The following REG4 variants were observed in gnomAD, a reference collection of about 807,000 sequenced individuals.
REG4 encodes regenerating islet-derived protein 4.
In REG4, 16 loss-of-function variants were observed where a neutral mutation model predicts 22.3. That is an observed-to-expected ratio of 0.72 (90% CI 0.49 to 1.09). The LOEUF is 1.09. Ranked by LOEUF, REG4 falls within the 50% of genes least tolerant of loss-of-function variation. The pLI, the probability that REG4 is intolerant of heterozygous loss-of-function variation, is 0.00. For missense variants in REG4, 214 were observed against 193.9 expected (o/e 1.10, Z -0.61); for synonymous variants, 71 against 69.2 (o/e 1.03, Z -0.13).
intron 4 of REG4, 106 bp from the exon 5 acceptor site, chr1:119,798,708 G>T: frequency 2.6e-6 from 2 of 754,806 alleles, no homozygotes; most frequent in East Asian, 5.0e-5. Context: ...TGCAAACATT[G>T]GGAAAGTACA....
intron 3 of REG4, 77 bp from the exon 4 acceptor site, chr1:119,799,939 CAAG>C (rs1654048411): frequency 1.9e-6 from 3 of 1,559,694 alleles, no homozygotes; most frequent in East Asian, 2.3e-5. Flanking sequence ...GCTAGCGTGC[CAAG>C]AAGGAGGGAC....
chr1:119,810,762 G>A (rs1263858104), intron 1 of REG4, among the ~76,000 whole-genome samples: 1 of 152,178 alleles, frequency 6.6e-6, no homozygotes, highest in Non-Finnish European at 1.5e-5. Context: ...TCATAAGTAA[G>A]CTGCACTGGG....
chr1:119,808,818 T>C lies in REG4; in HGVS notation c.-49A>G. 3 of 1,382,796 alleles carry C rather than the reference T, an allele frequency of 2.2e-6. No individual in the cohort carries two copies. Among genetic ancestry groups the C allele is most frequent in the Non-Finnish European group, 3.1e-6 (3 of 975,212 alleles). 85.7% of individuals were successfully genotyped at this position (1,382,796 alleles called of 1,614,324 possible). On this transcript the variant is annotated 5_prime_UTR_variant, in exon 2 of 6. Coordinates refer to ENST00000256585, the MANE Select transcript of REG4 (RefSeq NM_032044.4). ...GCTAGTGCAAGGATCTCAGAGACCT[T>C]ACTAGCGCTTCTTTGAAACTCCTGG... is the stretch of plus-strand genomic sequence containing the variant.
chr1:119,807,835 G>T (rs140527518), intron 2 of REG4, among the ~76,000 whole-genome samples: 77 of 152,256 alleles, frequency 5.1e-4, no homozygotes, highest in African/African-American at 1.8e-3. Context: ...CTTCCAAACC[G>T]TCCTACCCTT....
chr1:119,804,293 C>T lies in REG4; in HGVS notation c.68-1128G>A, dbSNP rs185720177. On this transcript the variant is annotated intron_variant, in intron 2 of 5. Transcript: ENST00000256585. Reference sequence around the variant, plus strand: ...TCTTCTGTTTTATTTCAGCCCCTGCCTATGCATCTCCCAGGGCTCCCCATT... The same window carrying T: ...TCTTCTGTTTTATTTCAGCCCCTGCTTATGCATCTCCCAGGGCTCCCCATT... Among the ~76,000 whole-genome samples, 325 of 152,332 alleles carry T rather than the reference C, an allele frequency of 2.1e-3. 1 individual carries two copies. The highest frequency in any genetic ancestry group is 7.7e-3 in the African/African-American group (319 of 41,554).
intron 5 of REG4, among the ~76,000 whole-genome samples, chr1:119,797,402 C>T (rs985780880): frequency 6.6e-6 from 1 of 152,178 alleles, no homozygotes; most frequent in Non-Finnish European, 1.5e-5. Context: ...CCCTTTGCCT[C>T]ATGCTGTTAG....
At chr1:119,799,320 TA>T (rs150349494) in intron 4 of REG4, among the ~76,000 whole-genome samples, 1,849 of 150,022 alleles carry the variant, frequency 0.012, 37 homozygotes, top group African/African-American at 0.043. Context: ...TTACAGCATC[TA>T]AAAAAAAAGG....
At chr1:119,805,694 G>A (rs1296929573) in intron 2 of REG4, among the ~76,000 whole-genome samples, 1 of 151,854 alleles carries the variant, frequency 6.6e-6, no homozygotes, top group South Asian at 2.1e-4. Flanking sequence ...GACTTTCTAT[G>A]TATCTCTCCG....
chr1:119,807,631 C>T (rs1654363664), intron 2 of REG4, among the ~76,000 whole-genome samples: 1 of 152,204 alleles, frequency 6.6e-6, no homozygotes. Context: ...GAGCCTTGCA[C>T]TCTCTTGCAT....
chr1:119,799,780 A>T lies in REG4; in HGVS notation c.248T>A (p.Ile83Lys). The T allele has an allele frequency of 6.2e-7, 1 of 1,614,096 alleles. No homozygotes were observed. Among genetic ancestry groups the T allele is most frequent in the Non-Finnish European group, 8.5e-7 (1 of 1,180,022 alleles). Reference sequence around the variant, plus strand: ...CGGCTGGCTTCTCTGATAGCCACTTATGTACTCTGCTATGGTGCTGGCTTC... The same window carrying T: ...CGGCTGGCTTCTCTGATAGCCACTTTTGTACTCTGCTATGGTGCTGGCTTC... The part of the protein sequence containing the change: ...LKEASTIAEY[I>K]SGYQRSQPIW... Residue 83 changes from isoleucine (I) to lysine (K), a missense_variant, in exon 4 of 6, where the codon ATA becomes AAA. Transcript: ENST00000256585.
At position 119,808,867 on chromosome 1, in the gene REG4, A is replaced by T; in HGVS notation, c.-94-4T>A. On this transcript the variant is annotated splice_region_variant and splice_polypyrimidine_tract_variant and intron_variant, in intron 1 of 5. Coordinates refer to ENST00000256585, the MANE Select transcript of REG4 (RefSeq NM_032044.4). Reference sequence around the variant, plus strand: ...GGGTTCTCCTTGATCTGCAAATCTGAACACATTTGCACAGGTGAGAAGGAC... The same window carrying T: ...GGGTTCTCCTTGATCTGCAAATCTGTACACATTTGCACAGGTGAGAAGGAC... 3 of 804,778 alleles carry T rather than the reference A, an allele frequency of 3.7e-6. No homozygotes were observed. The highest frequency in any genetic ancestry group is 2.1e-6 in the Non-Finnish European group (1 of 481,272). 49.9% of individuals were successfully genotyped at this position (804,778 alleles called of 1,614,324 possible).
intron 3 of REG4, chr1:119,802,210 G>A: frequency 2.2e-6 from 1 of 451,154 alleles, no homozygotes; most frequent in Non-Finnish European, 2.9e-6. Flanking sequence ...TGCTGTGTCA[G>A]TTACTCTCAG....
At chr1:119,804,379 C>T (rs1018790992) in intron 2 of REG4, among the ~76,000 whole-genome samples, 1 of 152,144 alleles carries the variant, frequency 6.6e-6, no homozygotes, top group Non-Finnish European at 1.5e-5. Context: ...TGGTTGTATG[C>T]CCCTATCCAG....
At chr1:119,802,672 C>T in intron 3 of REG4, 7 of 1,392,314 alleles carry the variant, frequency 5.0e-6, no homozygotes, top group Non-Finnish European at 6.5e-6. Context: ...AAGGTGTCTG[C>T]TCCAGGCATG....
rs749717569 is a variant in REG4, at chr1:119,794,201, G to A, written c.*417C>T. 11 of 536,950 alleles carry A rather than the reference G, an allele frequency of 2.0e-5. No individual in the cohort carries two copies. The highest frequency in any genetic ancestry group is 1.5e-4 in the South Asian group (11 of 71,602). 33.3% of individuals were successfully genotyped at this position (536,950 alleles called of 1,614,324 possible). A position where few individuals can be genotyped will look rare whatever the true frequency, so the allele number is the denominator to read the frequency against. ...AAACAAGCAGGAGTTGAGTGGCTGG[G>A]GTGGGGTGCAGGCAATGGAGAGAGG... On this transcript the variant is annotated 3_prime_UTR_variant, in exon 6 of 6. Coordinates refer to ENST00000256585, the MANE Select transcript of REG4 (RefSeq NM_032044.4).
Position 119,803,198 on chromosome 1 carries a change from G to T in REG4, c.68-33C>A, listed in dbSNP as rs375361581. On this transcript the variant is annotated intron_variant, in intron 2 of 5. Transcript: ENST00000256585. ...TAAACAAAAGGCAATTGCACATTAT[G>T]ATAGCAAAAACAATCAATTCCCAGA... The T allele has an allele frequency of 6.3e-5, 94 of 1,495,368 alleles. 1 individual carries two copies. In the South Asian group the frequency reaches 1.2e-3, roughly 19 times the overall value. The allele number at this position is 1,495,368 out of a possible 1,614,324, so 92.6% of individuals were successfully genotyped here. A position where few individuals can be genotyped will look rare whatever the true frequency, so the allele number is the denominator to read the frequency against.
intron 3 of REG4, chr1:119,802,357 C>T (rs1379770135): frequency 1.6e-5 from 16 of 985,978 alleles, no homozygotes; most frequent in Non-Finnish European, 1.8e-5. Context: ...GTGGTAGGTG[C>T]TTCGTTCTTG....
intron 1 of REG4, 78 bp from the exon 2 acceptor site, chr1:119,808,941 A>C: frequency 1.9e-6 from 1 of 527,200 alleles, no homozygotes; most frequent in Non-Finnish European, 3.4e-6. Context: ...ATAATACAAT[A>C]TTTTCCTGGC....
rs377464787 is a variant in REG4, at chr1:119,794,738, C to G, written c.410-53G>C. The G allele has an allele frequency of 2.1e-4, 309 of 1,496,878 alleles. 4 individuals are homozygous for G. In the South Asian group the frequency reaches 2.7e-3, roughly 13 times the overall value. The allele number at this position is 1,496,878 out of a possible 1,614,324, so 92.7% of individuals were successfully genotyped here. On this transcript the variant is annotated intron_variant, in intron 5 of 5. Coordinates refer to ENST00000256585, the MANE Select transcript of REG4 (RefSeq NM_032044.4). ...TCCATTCAGTACTATACTGAGCTTGCCAGAGTTATCTGGGTGTTTTTCTTG... is the reference window on the plus strand; with the variant it reads ...TCCATTCAGTACTATACTGAGCTTGGCAGAGTTATCTGGGTGTTTTTCTTG...
Sources: allele counts gnomAD v4.1 joint callset (sites outside exome capture counted in the v4.1 genomes callset), GRCh38; gene constraint gnomAD v4.1.1; transcripts MANE v1.5; gene names NCBI Gene and HGNC (gene_info 2026-07-23, HGNC 2026-07-21).